MOGAT2: variants seen among roughly 807,000 people sequenced by gnomAD.
MOGAT2 encodes the protein 2-acylglycerol O-acyltransferase 2.
A neutral mutation model predicts 31.5 loss-of-function variants in MOGAT2; 27 were observed. The observed-to-expected ratio is 0.86, with a 90% CI of 0.63 to 1.18. The LOEUF (loss-of-function observed/expected upper bound fraction) is 1.18, where lower values mean the gene tolerates loss of function less well. MOGAT2 is among the 50% of genes most tolerant of loss of function. The probability of loss-of-function intolerance (pLI) is 0.00; values close to 1 mark genes in which losing one functional copy is unlikely to be tolerated. For synonymous variants in MOGAT2, 163 were observed against 170.0 expected (o/e 0.96, Z 0.32); for missense variants, 436 against 433.2 (o/e 1.01, Z -0.06).
At chr11:75,727,872 C>A in intron 3 of MOGAT2, 98 bp from the exon 4 acceptor site, 1 of 1,309,572 alleles carries the variant, frequency 7.6e-7, no homozygotes, top group Non-Finnish European at 1.1e-6. Flanking sequence ...AACCCCAGGC[C>A]TCAGTAGGCA....
intron 1 of MOGAT2, 122 bp downstream of exon 1, chr11:75,718,101 C>T (rs1431504791): frequency 1.8e-5 from 18 of 1,003,546 alleles, no homozygotes; most frequent in Admixed American, 1.2e-4. Context: ...GGCTTTGTTG[C>T]GCTCAGAGCC....
At chr11:75,721,519 G>A (rs1944376411) in intron 2 of MOGAT2, among the ~76,000 whole-genome samples, 1 of 152,148 alleles carries the variant, frequency 6.6e-6, no homozygotes, top group Non-Finnish European at 1.5e-5. Flanking sequence ...CCGACCTTAG[G>A]TGATCTGCCC....
chr11:75,722,337 G>A (rs1169988658), intron 2 of MOGAT2, among the ~76,000 whole-genome samples: 2 of 152,152 alleles, frequency 1.3e-5, no homozygotes, highest in Non-Finnish European at 2.9e-5. Flanking sequence ...AGTTTCCCTG[G>A]GAAAGTGTGC....
chr11:75,719,947 T>A (rs758657795), intron 1 of MOGAT2, 45 bp from the exon 2 acceptor site: 1 of 1,592,264 alleles, frequency 6.3e-7, no homozygotes, highest in South Asian at 1.1e-5. Flanking sequence ...TCACCTGCCT[T>A]CCTCTCAGAC....
At chr11:75,726,951 A>G (rs975529248) in intron 2 of MOGAT2, among the ~76,000 whole-genome samples, 2 of 152,034 alleles carry the variant, frequency 1.3e-5, no homozygotes, top group South Asian at 2.1e-4. Context: ...TGGCCTCCCA[A>G]AGTGCTGGGA....
Position 75,731,366 on chromosome 11 carries a change from C to T in MOGAT2, c.*80C>T. 4 of 1,496,054 alleles carry T rather than the reference C, an allele frequency of 2.7e-6. No individual in the cohort carries two copies. Among genetic ancestry groups the T allele is most frequent in the Non-Finnish European group, 2.7e-6 (3 of 1,116,818 alleles). 92.7% of individuals were successfully genotyped at this position (1,496,054 alleles called of 1,614,324 possible). On this transcript the variant is annotated 3_prime_UTR_variant, in exon 6 of 6. Coordinates refer to ENST00000198801, the MANE Select transcript of MOGAT2 (RefSeq NM_025098.4). ...AGACTTCCTGGAGGTGTTTGTTGAA[C>T]ATATCTGCAGAGCCTTCCCAGACTC... is the stretch of plus-strand genomic sequence containing the variant.
chr11:75,720,247 T>C (rs1049996147), intron 2 of MOGAT2, 77 bp downstream of exon 2: 4 of 1,480,940 alleles, frequency 2.7e-6, no homozygotes, highest in South Asian at 2.5e-5. Flanking sequence ...GACGTCTCCA[T>C]GGGAGAATAT....
chr11:75,730,090 C>T (rs1944461736), intron 5 of MOGAT2, among the ~76,000 whole-genome samples: 1 of 152,184 alleles, frequency 6.6e-6, no homozygotes, highest in African/African-American at 2.4e-5. Flanking sequence ...CATCTCCATC[C>T]ATCCACTTGC....
chr11:75,729,049 G>C, intron 5 of MOGAT2, 60 bp downstream of exon 5: 1 of 1,539,396 alleles, frequency 6.5e-7, no homozygotes, highest in East Asian at 2.3e-5. Context: ...GTTGTGTGCT[G>C]CAAGGGGACA....
Position 75,731,285 on chromosome 11 carries a change from G to A in MOGAT2, c.1004G>A (p.Ter335=), listed in dbSNP as rs759810358. The A allele has an allele frequency of 6.2e-7, 1 of 1,613,832 alleles. No individual in the cohort carries two copies. The highest frequency in any genetic ancestry group is 8.5e-7 in the Non-Finnish European group (1 of 1,179,862). ...IPADQHLEFC[*] is the part of the protein sequence containing the mutation. Reference sequence around the variant, plus strand: ...GCTGACCAGCACTTGGAGTTCTGCTGAGCCCAAAGGGCAGGGCCAACATTA... The same window carrying A: ...GCTGACCAGCACTTGGAGTTCTGCTAAGCCCAAAGGGCAGGGCCAACATTA... The change falls in exon 6 of 6, where the codon TGA becomes TAA. Residue 335 remains the stop codon, a stop_retained_variant. Coordinates refer to ENST00000198801, the MANE Select transcript of MOGAT2 (RefSeq NM_025098.4).
Position 75,728,902 on chromosome 11 carries a change from G to A in MOGAT2, c.763G>A (p.Gly255Ser), listed in dbSNP as rs750312025. ...CCAGAATCGGTTGCAGAAGATCATG[G>A]GCATCTCCCTCCCACTCTTTCATGG... The part of the protein sequence containing the change: ...YIQNRLQKIM[G>S]ISLPLFHGRG... Residue 255 changes from glycine to serine, a missense_variant, in exon 5 of 6, where the codon GGC becomes AGC. Transcript: ENST00000198801. 1.2e-6 allele frequency: 2 copies of A among 1,614,082 alleles called. No individual in the cohort carries two copies. The highest frequency in any genetic ancestry group is 1.1e-5 in the South Asian group (1 of 91,076).
chr11:75,719,816 T>C (rs904792753), intron 1 of MOGAT2, 176 bp from the exon 2 acceptor site: 2 of 627,170 alleles, frequency 3.2e-6, no homozygotes, highest in Non-Finnish European at 5.5e-6. Context: ...GTAGTCCCTC[T>C]CAGGGACTTT....
rs910178799 is a variant in MOGAT2 at position 75,719,872 on chromosome 11, C to A, written c.92-120C>A. 123 of 977,096 alleles carry A rather than the reference C, an allele frequency of 1.3e-4. 1 individual carries two copies. The Middle Eastern group carries it at 1.7e-3, about 14-fold the overall frequency. The allele number at this position is 977,096 out of a possible 1,614,324, so 60.5% of individuals were successfully genotyped here. ...GGAAGCTGCTGTCTTCCTCCTGGGCCCGAGGATTGGACAGGACAGTGCTGC... is the reference window on the plus strand; with the variant it reads ...GGAAGCTGCTGTCTTCCTCCTGGGCACGAGGATTGGACAGGACAGTGCTGC... On this transcript the variant is annotated intron_variant, in intron 1 of 5. Coordinates refer to ENST00000198801, the MANE Select transcript of MOGAT2 (RefSeq NM_025098.4).
intron 3 of MOGAT2, 46 bp from the exon 4 acceptor site, chr11:75,727,924 C>G: frequency 6.5e-7 from 1 of 1,530,710 alleles, no homozygotes; most frequent in Non-Finnish European, 8.8e-7. Context: ...CTTTCATAGC[C>G]CCTGCTCCCT....
At chr11:75,727,779 C>G (rs1944434737) in intron 3 of MOGAT2, 140 bp downstream of exon 3, 1 of 1,046,910 alleles carries the variant, frequency 9.6e-7, no homozygotes, top group Non-Finnish European at 1.4e-6. Flanking sequence ...CAGCACCATG[C>G]TGGGCGCTGA....
At chr11:75,719,889 C>G (rs1056883116) in intron 1 of MOGAT2, 103 bp from the exon 2 acceptor site, 47 of 1,163,028 alleles carry the variant, frequency 4.0e-5, no homozygotes, top group Non-Finnish European at 5.5e-5. Context: ...TTGGACAGGA[C>G]AGTGCTGCTA....
In MOGAT2 at chr11:75,717,932, T is replaced by G. The variant is rs767930500; in HGVS notation, c.44T>G (p.Leu15Arg). The change falls in exon 1 of 6, where the codon CTG becomes CGG. Residue 15 changes from leucine to arginine, a missense_variant. Leu to Arg is a moderately radical substitution (Grantham distance 102). Transcript: ENST00000198801. ...TTGTTTATGCCGTGGGAGCGCAGGC[T>G]GCAGACACTTGCTGTCCTACAGTTT... ...APLFMPWERRLQTLAVLQFVF... is the reference protein window; with the variant it reads ...APLFMPWERRRQTLAVLQFVF... 1 of 1,614,240 alleles carries G rather than the reference T, an allele frequency of 6.2e-7. No individual in the cohort carries two copies. Among genetic ancestry groups the G allele is most frequent in the Admixed American group, 1.7e-5 (1 of 60,026 alleles).
At chr11:75,726,415 C>T (rs1257789049) in intron 2 of MOGAT2, among the ~76,000 whole-genome samples, 2 of 152,102 alleles carry the variant, frequency 1.3e-5, no homozygotes, top group African/African-American at 2.4e-5. Context: ...GGTTCCCGGA[C>T]CCCCGCAGAT....
intron 2 of MOGAT2, among the ~76,000 whole-genome samples, chr11:75,723,722 T>C (rs1944396757): frequency 6.6e-6 from 1 of 152,164 alleles, no homozygotes; most frequent in South Asian, 2.1e-4. Context: ...ACCCTGAATG[T>C]CATACTTTAA....
Sources: gnomAD v4.1 joint callset for allele counts (sites outside exome capture counted in the v4.1 genomes callset) on GRCh38, gnomAD v4.1.1 for gene constraint, MANE v1.5 for transcripts, NCBI Gene and HGNC (gene_info 2026-07-23, HGNC 2026-07-21) for gene names.